Variants in FTO observed in about 807,000 individuals in gnomAD.
FTO encodes the protein FTO alpha-ketoglutarate dependent dioxygenase.
In FTO, 47 loss-of-function variants were observed where a neutral mutation model predicts 63.9. That is an observed-to-expected ratio of 0.74 (90% confidence interval 0.58 to 0.94). FTO has a LOEUF of 0.94. Among genes scored for constraint, FTO ranks in the 40% least tolerant of loss-of-function variants. The pLI, the probability that FTO is intolerant of heterozygous loss-of-function variation, is 0.00. For synonymous variants in FTO, 207 were observed against 224.4 expected (o/e 0.92, Z 0.69); for missense variants, 562 against 618.1 (o/e 0.91, Z 0.96).
At chr16:53,921,101 G>T (rs896040090) in intron 7 of FTO, among the ~76,000 whole-genome samples, 2 of 152,202 alleles carry the variant, frequency 1.3e-5, no homozygotes, top group South Asian at 4.1e-4. Context: ...CTGTAGGGCC[G>T]CAGACAAAAG....
chr16:54,102,304 C>T (rs1008722914), intron 8 of FTO, among the ~76,000 whole-genome samples: 1 of 152,180 alleles, frequency 6.6e-6, no homozygotes, highest in Non-Finnish European at 1.5e-5. Context: ...AGCTCTTAAC[C>T]ATGATTTACA....
intron 8 of FTO, among the ~76,000 whole-genome samples, chr16:54,000,931 G>C (rs13333874): frequency 0.25 from 37,756 of 152,030 alleles, 5,496 homozygotes; most frequent in African/African-American, 0.39. Context: ...CCATTCATCA[G>C]CTGTGTGATC....
At chr16:54,100,410 T>C (rs146120140) in intron 8 of FTO, among the ~76,000 whole-genome samples, 1,857 of 152,286 alleles carry the variant, frequency 0.012, 23 homozygotes, top group Non-Finnish European at 0.019. Context: ...TGGAGTGCAG[T>C]GGCACAATCA....
intron 2 of FTO, among the ~76,000 whole-genome samples, chr16:53,824,606 T>A (rs1367882904): frequency 2.6e-5 from 4 of 151,898 alleles, no homozygotes; most frequent in Non-Finnish European, 5.9e-5. Flanking sequence ...AAACAGATGC[T>A]GCATGAAAAA....
rs549960941 is a variant in FTO at position 53,779,716 on chromosome 16, C to A, written c.46-30424C>A. 2.0e-5 allele frequency among the ~76,000 whole-genome samples: 3 copies of A among 152,258 alleles called. No individual in the cohort carries two copies. The South Asian group carries it at 6.2e-4, about 32-fold the overall frequency. ...TTTAGTGTAACTCATCTGAATAATG[C>A]ACATTATATCCATTAATTTATAGTT... On this transcript the variant is annotated intron_variant, in intron 1 of 8. Transcript: ENST00000471389.
chr16:53,747,770 G>A (rs957659878), intron 1 of FTO, among the ~76,000 whole-genome samples: 1 of 152,038 alleles, frequency 6.6e-6, no homozygotes, highest in African/African-American at 2.4e-5. Flanking sequence ...TATCTACTAT[G>A]TTGTCTTCTA....
chr16:53,827,709 A>AC (rs1396277906), intron 3 of FTO, among the ~76,000 whole-genome samples: 1 of 152,222 alleles, frequency 6.6e-6, no homozygotes, highest in Non-Finnish European at 1.5e-5. Context: ...AAATTTCACC[A>AC]CTTTCTCTGG....
At chr16:53,890,197 A>T (rs142943068) in intron 7 of FTO, among the ~76,000 whole-genome samples, 4 of 152,340 alleles carry the variant, frequency 2.6e-5, no homozygotes, top group African/African-American at 9.6e-5. Flanking sequence ...TACTGGAAAC[A>T]ATGAACTAAT....
intron 8 of FTO, among the ~76,000 whole-genome samples, chr16:54,074,868 T>C (rs1212927106): frequency 1.3e-5 from 2 of 151,990 alleles, no homozygotes; most frequent in Non-Finnish European, 2.9e-5. Context: ...CCTGTTTTTC[T>C]GTAGCTTTAA....
At chr16:54,084,076 G>A (rs2086208518) in intron 8 of FTO, among the ~76,000 whole-genome samples, 1 of 152,198 alleles carries the variant, frequency 6.6e-6, no homozygotes, top group South Asian at 2.1e-4. Flanking sequence ...CTCAGCCAGT[G>A]AGTATAATGC....
chr16:54,048,154 A>G (rs1199502652), intron 8 of FTO, among the ~76,000 whole-genome samples: 5 of 143,882 alleles, frequency 3.5e-5, no homozygotes, highest in African/African-American at 1.1e-4. Flanking sequence ...AATTTCCCTA[A>G]GTCAACAAGA....
intron 4 of FTO, among the ~76,000 whole-genome samples, chr16:53,866,839 A>G (rs984991908): frequency 2.0e-5 from 3 of 151,886 alleles, no homozygotes; most frequent in Non-Finnish European, 2.9e-5. Context: ...AAGTTTCTTT[A>G]TTAGTTTTCT....
At chr16:53,786,698 C>T (rs2077749119) in intron 1 of FTO, among the ~76,000 whole-genome samples, 2 of 152,086 alleles carry the variant, frequency 1.3e-5, no homozygotes, top group African/African-American at 2.4e-5. Flanking sequence ...TAAAAGCAAA[C>T]TGAAATGCAA....
rs568574886 is a variant in FTO, at chr16:53,901,651, A to T, written c.1239+12700A>T. Among the ~76,000 whole-genome samples, 6 of 152,134 alleles carry T rather than the reference A, an allele frequency of 3.9e-5. No homozygotes were observed. The East Asian group carries it at 1.2e-3, about 30-fold the overall frequency. On this transcript the variant is annotated intron_variant, in intron 7 of 8. Transcript: ENST00000471389. ...GCCATTGCACTTCAGCTTGTCAGTCACACCAATTGAAAGACTGAGTAAATG... is the reference window on the plus strand; with the variant it reads ...GCCATTGCACTTCAGCTTGTCAGTCTCACCAATTGAAAGACTGAGTAAATG...
intron 5 of FTO, among the ~76,000 whole-genome samples, chr16:53,874,952 T>C (rs2080604653): frequency 6.6e-6 from 1 of 152,118 alleles, no homozygotes; most frequent in African/African-American, 2.4e-5. Flanking sequence ...TTTTGTGAAC[T>C]TTAGTTGGGG....
chr16:53,795,137 C>T (rs890989357), intron 1 of FTO, among the ~76,000 whole-genome samples: 4 of 152,010 alleles, frequency 2.6e-5, no homozygotes, highest in African/African-American at 7.3e-5. Flanking sequence ...GAACCAGTTA[C>T]AAATTTTGGA....
intron 8 of FTO, among the ~76,000 whole-genome samples, chr16:54,005,168 T>C (rs563141113): frequency 8.6e-4 from 129 of 149,474 alleles, no homozygotes; most frequent in African/African-American, 3.0e-3. Context: ...ATAGCTAAGA[T>C]AGATGTTAAA....
At chr16:54,108,751 A>G (rs1201962917) in intron 8 of FTO, among the ~76,000 whole-genome samples, 1 of 152,230 alleles carries the variant, frequency 6.6e-6, no homozygotes, top group South Asian at 2.1e-4. Flanking sequence ...GTAAGATACT[A>G]TTATTACCGT....
At chr16:53,836,053 G>A (rs931854473) in intron 3 of FTO, among the ~76,000 whole-genome samples, 2 of 152,076 alleles carry the variant, frequency 1.3e-5, no homozygotes, top group African/African-American at 4.8e-5. Flanking sequence ...ACCATGCCCA[G>A]CAAATTTTTG....
Sources: allele counts gnomAD v4.1 joint callset (sites outside exome capture counted in the v4.1 genomes callset), GRCh38; gene constraint gnomAD v4.1.1; transcripts MANE v1.5; gene names NCBI Gene and HGNC (gene_info 2026-07-23, HGNC 2026-07-21).